The following MEF2C variants were observed in gnomAD, a reference collection of about 807,000 sequenced individuals.
MEF2C encodes myocyte-specific enhancer factor 2C.
MEF2C carries 6 observed loss-of-function variants against 50.5 expected under a neutral mutation model. The ratio of observed to expected loss-of-function variants is 0.12; its 90% CI spans 0.07 to 0.23. MEF2C has a LOEUF of 0.23. Among genes scored for constraint, MEF2C ranks in the 10% least tolerant of loss-of-function variants. The probability of loss-of-function intolerance (pLI) is 1.00; values close to 1 mark genes in which losing one functional copy is unlikely to be tolerated. For missense variants in MEF2C, 276 were observed against 605.0 expected (o/e 0.46, Z 5.70); for synonymous variants, 183 against 228.0 (o/e 0.80, Z 1.78).
At chr5:88,762,107 A>G (rs1234975559) in intron 3 of MEF2C, among the ~76,000 whole-genome samples, 2 of 152,234 alleles carry the variant, frequency 1.3e-5, no homozygotes, top group African/African-American at 4.8e-5. Flanking sequence ...CTAGTTTTTC[A>G]GCTGAGTAGG....
chr5:88,895,792 A>ATG (rs199569486), intron 1 of MEF2C, among the ~76,000 whole-genome samples: 5,808 of 152,146 alleles, frequency 0.038, 142 homozygotes, highest in Non-Finnish European at 0.051. Context: ...AAGTCCTTTC[A>ATG]TCCCTCAGCC....
intron 10 of MEF2C, among the ~76,000 whole-genome samples, chr5:88,727,079 A>G (rs550989734): frequency 2.0e-5 from 3 of 152,262 alleles, no homozygotes; most frequent in Admixed American, 6.5e-5. Flanking sequence ...TTTGTACAAA[A>G]TATGTATACA....
At chr5:88,774,645 A>C (rs1783983975) in intron 3 of MEF2C, among the ~76,000 whole-genome samples, 1 of 152,188 alleles carries the variant, frequency 6.6e-6, no homozygotes, top group African/African-American at 2.4e-5. Flanking sequence ...GATGGAGAGA[A>C]TTGAATCCAT....
upstream of MEF2C, among the ~76,000 whole-genome samples, chr5:88,886,823 C>T (rs954732820): frequency 7.2e-5 from 11 of 152,290 alleles, no homozygotes; most frequent in East Asian, 5.8e-4. Flanking sequence ...GCATGCTCCT[C>T]GGGATTTTAA....
chr5:88,888,309 A>G (rs1302340482), intron 1 of MEF2C: 1 of 152,266 alleles, frequency 6.6e-6, no homozygotes, highest in East Asian at 1.9e-4. Flanking sequence ...AGTCCCAGAA[A>G]GAGAACCAGC....
At chr5:88,858,963 A>C (rs1581660453) in intron 1 of MEF2C, among the ~76,000 whole-genome samples, 1 of 152,326 alleles carries the variant, frequency 6.6e-6, no homozygotes, top group Non-Finnish European at 1.5e-5. Flanking sequence ...TGTATGGTGG[A>C]TTACATTTTG....
intron 1 of MEF2C, among the ~76,000 whole-genome samples, chr5:88,834,779 T>C (rs183303858): frequency 8.2e-4 from 125 of 152,282 alleles, no homozygotes; most frequent in Non-Finnish European, 6.8e-4. Flanking sequence ...GGCCAAGTCA[T>C]AGTTTTCTAA....
At chr5:88,824,418 A>T (rs187059290) in intron 1 of MEF2C, 101 of 877,718 alleles carry the variant, frequency 1.2e-4, no homozygotes, top group Non-Finnish European at 1.1e-5. Context: ...ATGGACGATT[A>T]TGAAAGTGCT....
chr5:88,798,219 T>C (rs990065607), intron 3 of MEF2C, among the ~76,000 whole-genome samples: 3 of 152,190 alleles, frequency 2.0e-5, no homozygotes, highest in African/African-American at 7.2e-5. Context: ...TCCTGGATAA[T>C]ATCCTGAAGT....
intron 6 of MEF2C, 126 bp from the exon 7 acceptor site, chr5:88,732,027 G>T: frequency 1.2e-6 from 1 of 829,532 alleles, no homozygotes; most frequent in South Asian, 2.0e-5. Context: ...ACCATAGGAT[G>T]ACTGATTTGA....
chr5:88,733,043 T>C (rs1762342919), intron 6 of MEF2C: 41 of 978,302 alleles, frequency 4.2e-5, no homozygotes, highest in Non-Finnish European at 5.0e-5. Flanking sequence ...ATCCAATACA[T>C]ACTCATGGAA....
chr5:88,884,758 TA>T (rs757864764), upstream of MEF2C, among the ~76,000 whole-genome samples: 11 of 147,352 alleles, frequency 7.5e-5, no homozygotes, highest in Non-Finnish European at 1.2e-4. Flanking sequence ...TAAGGGAGGA[TA>T]CTTATGTTAA....
At chr5:88,896,901 C>T (rs1835169860) in intron 1 of MEF2C, among the ~76,000 whole-genome samples, 1 of 151,664 alleles carries the variant, frequency 6.6e-6, no homozygotes, top group Non-Finnish European at 1.5e-5. Context: ...TTTTCATTTT[C>T]AAGTTGTAAA....
chr5:88,741,899 T>C, intron 6 of MEF2C: 1 of 985,404 alleles, frequency 1.0e-6, no homozygotes, highest in Non-Finnish European at 1.2e-6. Flanking sequence ...TATCAGTTGG[T>C]TATAAATTTA....
At chr5:88,896,834 C>T (rs1263812055) in intron 1 of MEF2C, among the ~76,000 whole-genome samples, 1 of 152,020 alleles carries the variant, frequency 6.6e-6, no homozygotes, top group Admixed American at 6.6e-5. Context: ...TCCTTTCTTC[C>T]TTCCATCTGT....
chr5:88,805,155 G>A (rs1392109922), intron 2 of MEF2C, among the ~76,000 whole-genome samples: 1 of 152,158 alleles, frequency 6.6e-6, no homozygotes, highest in African/African-American at 2.4e-5. Flanking sequence ...TTAGTTTGGA[G>A]CTTGTTTTTG....
intron 2 of MEF2C, among the ~76,000 whole-genome samples, chr5:88,808,875 A>C (rs1801603764): frequency 6.6e-6 from 1 of 152,064 alleles, no homozygotes; most frequent in African/African-American, 2.4e-5. Context: ...TCTTAACTTG[A>C]TAATAGTTTG....
intron 1 of MEF2C, among the ~76,000 whole-genome samples, chr5:88,870,883 G>C (rs947378756): frequency 6.6e-6 from 1 of 152,210 alleles, no homozygotes; most frequent in African/African-American, 2.4e-5. Flanking sequence ...TTTGAATTAT[G>C]TGGGTATTGT....
At chr5:88,810,055 T>A (rs1177791546) in intron 2 of MEF2C, among the ~76,000 whole-genome samples, 2 of 152,138 alleles carry the variant, frequency 1.3e-5, no homozygotes, top group African/African-American at 4.8e-5. Flanking sequence ...TCTCACAGAC[T>A]CTGACCAGTG....
Sources: gnomAD v4.1 joint callset for allele counts (sites outside exome capture counted in the v4.1 genomes callset) on GRCh38, gnomAD v4.1.1 for gene constraint, MANE v1.5 for transcripts, NCBI Gene and HGNC (gene_info 2026-07-23, HGNC 2026-07-21) for gene names.